HLCS: variants seen among roughly 807,000 people sequenced by gnomAD.
The protein encoded by HLCS is holocarboxylase synthetase, also known as biotin--protein ligase.
In HLCS, 53 loss-of-function variants were observed where a neutral mutation model predicts 75.0. The ratio of observed to expected loss-of-function variants is 0.71; its 90% CI spans 0.57 to 0.89. HLCS has a LOEUF of 0.89. HLCS is among the 40% of genes least tolerant of loss of function. The pLI, the probability that HLCS is intolerant of heterozygous loss-of-function variation, is 0.00. For synonymous variants in HLCS, 431 were observed against 428.6 expected (o/e 1.01, Z -0.07); for missense variants, 966 against 1,074.0 (o/e 0.90, Z 1.41).
At chr21:36,931,017 C>T (rs1430063009) in intron 4 of HLCS, among the ~76,000 whole-genome samples, 1 of 152,200 alleles carries the variant, frequency 6.6e-6, no homozygotes, top group Non-Finnish European at 1.5e-5. Context: ...GGAGCGGTGG[C>T]TCACGCCTGT....
At chr21:36,895,524 C>T (rs1251241556) in intron 6 of HLCS, among the ~76,000 whole-genome samples, 1 of 152,114 alleles carries the variant, frequency 6.6e-6, no homozygotes, top group African/African-American at 2.4e-5. Flanking sequence ...GCTCACAGCT[C>T]CCCTCCCAGC....
chr21:36,873,704 CCTTTTAGGTT>C (rs1236011717), intron 6 of HLCS, among the ~76,000 whole-genome samples: 1 of 152,162 alleles, frequency 6.6e-6, no homozygotes, highest in Admixed American at 6.5e-5. Flanking sequence ...GCAGCCCTGA[CCTTTTAGGTT>C]CAGGCCTCCT....
intron 5 of HLCS, among the ~76,000 whole-genome samples, chr21:36,924,151 G>A (rs187500771): frequency 1.1e-4 from 16 of 152,206 alleles, no homozygotes; most frequent in East Asian, 9.7e-4. Flanking sequence ...CTATACATTC[G>A]AGACTCAGAA....
intron 6 of HLCS, among the ~76,000 whole-genome samples, chr21:36,823,692 T>A (rs2061920503): frequency 6.6e-6 from 1 of 151,100 alleles, no homozygotes; most frequent in Non-Finnish European, 1.5e-5. Flanking sequence ...TAATTTATTT[T>A]ATAAGTTTAC....
chr21:36,962,577 C>T (rs2068359481), intron 1 of HLCS, among the ~76,000 whole-genome samples: 1 of 151,870 alleles, frequency 6.6e-6, no homozygotes, highest in Non-Finnish European at 1.5e-5. Context: ...CGCTTGAGCC[C>T]AGGAGTTCAA....
intron 2 of HLCS, among the ~76,000 whole-genome samples, chr21:36,956,547 T>G (rs1401848221): frequency 6.6e-6 from 1 of 151,890 alleles, no homozygotes; most frequent in African/African-American, 2.4e-5. Flanking sequence ...GCTAACACGG[T>G]GAAACCCCAT....
At chr21:36,835,355 T>C (rs1389841022) in intron 6 of HLCS, among the ~76,000 whole-genome samples, 1 of 152,182 alleles carries the variant, frequency 6.6e-6, no homozygotes, top group Non-Finnish European at 1.5e-5. Context: ...CTATCACCTT[T>C]TGGGTCAAAA....
intron 6 of HLCS, among the ~76,000 whole-genome samples, chr21:36,886,432 C>CAA (rs11297170): frequency 1.8e-3 from 123 of 66,696 alleles, no homozygotes; most frequent in Non-Finnish European, 2.3e-3. Flanking sequence ...GACTCCATCT[C>CAA]AAAAAAAAAA....
chr21:36,988,126 C>CA (rs2069262719), intron 1 of HLCS, among the ~76,000 whole-genome samples: 1 of 152,084 alleles, frequency 6.6e-6, no homozygotes, highest in Non-Finnish European at 1.5e-5. Context: ...AAACTGCCCC[C>CA]AAAAAAGGTA....
intron 6 of HLCS, among the ~76,000 whole-genome samples, chr21:36,802,728 T>C (rs994299946): frequency 1.3e-5 from 2 of 152,184 alleles, no homozygotes; most frequent in African/African-American, 4.8e-5. Flanking sequence ...AACAGATTTA[T>C]GACAGAAGTA....
At chr21:36,921,039 C>T (rs1032256808) in intron 5 of HLCS, among the ~76,000 whole-genome samples, 1 of 152,180 alleles carries the variant, frequency 6.6e-6, no homozygotes, top group Non-Finnish European at 1.5e-5. Context: ...ATCATTCAAT[C>T]ACTCTTCAGT....
intron 6 of HLCS, among the ~76,000 whole-genome samples, chr21:36,768,572 G>C (rs569929492): frequency 6.6e-5 from 10 of 152,206 alleles, no homozygotes; most frequent in Non-Finnish European, 1.3e-4. Context: ...GACCCTTCAC[G>C]TGTTAAAAAG....
intron 6 of HLCS, among the ~76,000 whole-genome samples, chr21:36,769,745 G>T (rs2090166414): frequency 6.6e-6 from 1 of 152,202 alleles, no homozygotes; most frequent in Admixed American, 6.5e-5. Context: ...GGTTACTAAG[G>T]ACAGCCCAGT....
chr21:36,951,273 C>T (rs910681441), intron 2 of HLCS, among the ~76,000 whole-genome samples: 2 of 152,206 alleles, frequency 1.3e-5, no homozygotes, highest in Admixed American at 1.3e-4. Context: ...TCCCCTCTGG[C>T]CTTATCTAGG....
At chr21:36,804,946 G>C (rs77880304) in intron 6 of HLCS, among the ~76,000 whole-genome samples, 7,448 of 152,248 alleles carry the variant, frequency 0.049, 306 homozygotes, top group South Asian at 0.18. Context: ...TTGACAAACT[G>C]TCTCTCCATG....
At chr21:36,902,658 AG>A (rs2065285290) in intron 5 of HLCS, among the ~76,000 whole-genome samples, 1 of 152,210 alleles carries the variant, frequency 6.6e-6, no homozygotes, top group Non-Finnish European at 1.5e-5. Flanking sequence ...AAGAGAGAAA[AG>A]AAGGAAGGAG....
chr21:36,837,168 G>A (rs2062443383), intron 6 of HLCS, among the ~76,000 whole-genome samples: 1 of 152,226 alleles, frequency 6.6e-6, no homozygotes. Context: ...GGGCAACAGA[G>A]CAAGAGTCCG....
intron 1 of HLCS, among the ~76,000 whole-genome samples, chr21:36,978,680 G>A (rs181145629): frequency 9.9e-5 from 15 of 152,270 alleles, no homozygotes; most frequent in African/African-American, 3.6e-4. Context: ...GCAGAGAAGA[G>A]TGCGAAGCTG....
At chr21:36,771,687 C>T (rs981020621) in intron 6 of HLCS, among the ~76,000 whole-genome samples, 2 of 152,130 alleles carry the variant, frequency 1.3e-5, no homozygotes, top group South Asian at 4.1e-4. Context: ...TGAGTCCAAT[C>T]ATGTTTTGAA....
Sources: allele counts gnomAD v4.1 joint callset (sites outside exome capture counted in the v4.1 genomes callset), GRCh38; gene constraint gnomAD v4.1.1; transcripts MANE v1.5; gene names NCBI Gene and HGNC (gene_info 2026-07-23, HGNC 2026-07-21).